The following ENOX2 variants were observed in gnomAD, a reference collection of about 807,000 sequenced individuals.
The protein encoded by ENOX2 is ecto-NOX disulfide-thiol exchanger 2, also known as APK1 antigen.
A neutral mutation model predicts 45.0 loss-of-function variants in ENOX2; 36 were observed. That is an observed-to-expected ratio of 0.80 (90% CI 0.61 to 1.06). The LOEUF (loss-of-function observed/expected upper bound fraction) is 1.06, where lower values mean the gene tolerates loss of function less well. Ranked by LOEUF, ENOX2 falls within the 50% of genes least tolerant of loss-of-function variation. The pLI is 0.00. For synonymous variants in ENOX2, 174 were observed against 152.3 expected (o/e 1.14, Z -1.05); for missense variants, 423 against 462.5 (o/e 0.91, Z 0.78).
chrX:130,895,301 GA>G (rs1361726707), intron 2 of ENOX2, among the ~76,000 whole-genome samples: 1 of 111,742 alleles, frequency 8.9e-6, no homozygotes, highest in Non-Finnish European at 1.9e-5. Context: ...TAATCCTAGT[GA>G]AGTATGTTTG....
chrX:130,716,922 T>C (rs1352976526), intron 3 of ENOX2, among the ~76,000 whole-genome samples: 1 of 112,106 alleles, frequency 8.9e-6, no homozygotes, highest in Admixed American at 9.4e-5. Flanking sequence ...ACATCACCTT[T>C]AATCTATTTG....
At chrX:130,864,428 G>A (rs765173287) in intron 2 of ENOX2, among the ~76,000 whole-genome samples, 2 of 111,436 alleles carry the variant, frequency 1.8e-5, no homozygotes, top group Non-Finnish European at 3.8e-5. Flanking sequence ...GCAAGCTCAC[G>A]AGAGACCTTA....
At chrX:130,718,570 GT>G (rs1298992159) in intron 3 of ENOX2, among the ~76,000 whole-genome samples, 1 of 112,100 alleles carries the variant, frequency 8.9e-6, no homozygotes, top group Non-Finnish European at 1.9e-5. Context: ...CTATATAAAG[GT>G]GAGTAAACGA....
At chrX:130,734,526 G>GAGAA (rs2038815299) in intron 3 of ENOX2, among the ~76,000 whole-genome samples, 1 of 111,690 alleles carries the variant, frequency 9.0e-6, no homozygotes, top group South Asian at 3.8e-4. Context: ...CTTGACAAGG[G>GAGAA]AGAAAGCAGA....
At chrX:130,883,689 G>A (rs1262041062) in intron 2 of ENOX2, among the ~76,000 whole-genome samples, 3 of 110,842 alleles carry the variant, frequency 2.7e-5, no homozygotes, top group Non-Finnish European at 3.8e-5. Flanking sequence ...ACCACGGACT[G>A]GTGTATACTA....
At chrX:130,747,693 C>T (rs1312797145) in intron 3 of ENOX2, among the ~76,000 whole-genome samples, 6 of 112,574 alleles carry the variant, frequency 5.3e-5, no homozygotes, top group Non-Finnish European at 1.1e-4. Flanking sequence ...GCTCTTTCCA[C>T]AGTGCAATTA....
chrX:130,822,139 G>C lies in ENOX2; in HGVS notation c.-182-38449C>G, dbSNP rs893386597. ...GAGGAGAGGAAGTGAAACGAGAGCA[G>C]AGCATTTCAGGCCAGACGGACTGCT... is the stretch of plus-strand genomic sequence containing the variant. On this transcript the variant is annotated intron_variant, in intron 2 of 14. Transcript: ENST00000394363. 3.7e-5 allele frequency among the ~76,000 whole-genome samples: 4 copies of C among 108,488 alleles called. No homozygotes were observed. The Admixed American group carries it at 4.0e-4, about 11-fold the overall frequency. The allele number at this position is 108,488 out of a possible 115,157, so 94.2% of individuals were successfully genotyped here.
chrX:130,731,398 G>C (rs2038735440), intron 3 of ENOX2, among the ~76,000 whole-genome samples: 1 of 111,849 alleles, frequency 8.9e-6, no homozygotes, highest in Non-Finnish European at 1.9e-5. Context: ...GGTGTTGCCA[G>C]GGGTAACAAA....
intron 2 of ENOX2, among the ~76,000 whole-genome samples, chrX:130,809,193 A>C (rs1402475299): frequency 8.9e-6 from 1 of 112,497 alleles, no homozygotes; most frequent in Non-Finnish European, 1.9e-5. Flanking sequence ...GAAAATTACA[A>C]TTTGTTTCAT....
intron 2 of ENOX2, among the ~76,000 whole-genome samples, chrX:130,884,851 A>C (rs2078875544): frequency 9.0e-6 from 1 of 111,675 alleles, no homozygotes; most frequent in Admixed American, 9.5e-5. Flanking sequence ...AATTTCAAAA[A>C]CATATAGCAC....
At position 130,739,234 on chromosome X, in the gene ENOX2, T is replaced by C. The variant is rs745716484; in HGVS notation, c.-38-35980A>G. Among the ~76,000 whole-genome samples the C allele has an allele frequency of 4.5e-4, 51 of 112,618 alleles. 1 individual carries two copies. Among genetic ancestry groups the C allele is most frequent in the Non-Finnish European group, 7.9e-4 (42 of 53,341 alleles). On this transcript the variant is annotated intron_variant, in intron 3 of 14. Coordinates refer to ENST00000394363, the MANE Select transcript of ENOX2 (RefSeq NM_006375.4). ...ATTAGTCTCCTGTGACGGTGGGCAG[T>C]GGCAGTGAGCTGCAGCTCCCAGTGA...
rs373177808 is a variant in ENOX2 at position 130,634,927 on chromosome X, T to A, written c.1419+57A>T. ...GGCATAACTTCCAGGGCATTTTCACTGTCACTGAAAAGTAGGTAAAGGGGC... is the reference window on the plus strand; with the variant it reads ...GGCATAACTTCCAGGGCATTTTCACAGTCACTGAAAAGTAGGTAAAGGGGC... On this transcript the variant is annotated intron_variant, in intron 12 of 14. Coordinates refer to ENST00000394363, the MANE Select transcript of ENOX2 (RefSeq NM_006375.4). The A allele has an allele frequency of 1.9e-3, 1,187 of 613,087 alleles. 9 individuals are homozygous for A. Among genetic ancestry groups the A allele is most frequent in the South Asian group, 0.012 (376 of 30,691 alleles). The allele number at this position is 613,087 out of a possible 1,213,427, so 50.5% of individuals were successfully genotyped here.
At chrX:130,820,936 TAA>T (rs1231516848) in intron 2 of ENOX2, among the ~76,000 whole-genome samples, 4 of 112,153 alleles carry the variant, frequency 3.6e-5, no homozygotes, top group Admixed American at 9.4e-5. Context: ...TGAAAATCAC[TAA>T]GAGAGTACAT....
chrX:130,633,062 TTA>T (rs1244628712), intron 12 of ENOX2, among the ~76,000 whole-genome samples: 1 of 112,025 alleles, frequency 8.9e-6, no homozygotes, highest in Non-Finnish European at 1.9e-5. Context: ...GACTTCAATT[TTA>T]TTATAGCTGG....
intron 7 of ENOX2, 114 bp from the exon 8 acceptor site, chrX:130,667,856 C>T (rs2036877887): frequency 5.7e-6 from 3 of 523,637 alleles, no homozygotes; most frequent in South Asian, 6.4e-5. Flanking sequence ...AAATGAATTG[C>T]TGAGGATGAG....
At chrX:130,761,095 G>A (rs753617115) in intron 3 of ENOX2, among the ~76,000 whole-genome samples, 8 of 110,509 alleles carry the variant, frequency 7.2e-5, no homozygotes, top group Admixed American at 1.9e-4. Context: ...GGATTTTTAC[G>A]TCTGTATTCA....
rs192939431 is a variant in ENOX2 at position 130,834,694 on chromosome X, T to C, written c.-182-51004A>G. ...TCTGCAAGCTGTTCTTTAAAATAAT[T>C]ATGCTGTGTGTTTCTGGGTTCTTAT... On this transcript the variant is annotated intron_variant, in intron 2 of 14. Transcript: ENST00000394363. Among the ~76,000 whole-genome samples, 3 of 111,706 alleles carry C rather than the reference T, an allele frequency of 2.7e-5. No individual in the cohort carries two copies. In the Admixed American group the frequency reaches 2.8e-4, roughly 11 times the overall value.
chrX:130,890,967 C>A (rs1477566832), intron 2 of ENOX2, among the ~76,000 whole-genome samples: 7 of 112,466 alleles, frequency 6.2e-5, no homozygotes, highest in African/African-American at 2.3e-4. Flanking sequence ...CAGATAAAGT[C>A]ACAATTTAGC....
intron 10 of ENOX2, among the ~76,000 whole-genome samples, chrX:130,653,176 C>G (rs145574812): frequency 1.3e-4 from 15 of 111,882 alleles, no homozygotes; most frequent in African/African-American, 4.9e-4. Flanking sequence ...CTCATTCAAT[C>G]CATTGCCTCC....
Sources: allele counts gnomAD v4.1 joint callset (sites outside exome capture counted in the v4.1 genomes callset), GRCh38; gene constraint gnomAD v4.1.1; transcripts MANE v1.5; gene names NCBI Gene and HGNC (gene_info 2026-07-23, HGNC 2026-07-21).